The following CTNNA3 variants were observed in gnomAD, a reference collection of about 807,000 sequenced individuals.
The protein encoded by CTNNA3 is catenin alpha-3.
In CTNNA3, 76 loss-of-function variants were observed where a neutral mutation model predicts 95.7. The observed-to-expected ratio is 0.79, with a 90% CI of 0.66 to 0.96. The LOEUF (loss-of-function observed/expected upper bound fraction) is 0.96. CTNNA3 is among the 40% of genes least tolerant of loss of function. The pLI is 0.00. For missense variants in CTNNA3, 1,191 were observed against 1,089.8 expected, an observed-to-expected ratio of 1.09 and a Z score of -1.31; for synonymous variants, 431 against 374.4, an observed-to-expected ratio of 1.15 and a Z score of -1.74.
intron 12 of CTNNA3, among the ~76,000 whole-genome samples, chr10:66,287,124 C>T (rs148751329): frequency 7.9e-5 from 12 of 152,032 alleles, no homozygotes; most frequent in East Asian, 3.9e-4. Flanking sequence ...CTGAAATATA[C>T]GTTTATTAAA....
intron 5 of CTNNA3, among the ~76,000 whole-genome samples, chr10:67,508,471 AT>A (rs2133121888): frequency 6.6e-6 from 1 of 152,292 alleles, no homozygotes; most frequent in South Asian, 2.1e-4. Flanking sequence ...CAAAAAACAA[AT>A]TTATTTTTAT....
At chr10:67,662,381 A>G (rs777002365) in intron 1 of CTNNA3, among the ~76,000 whole-genome samples, 15 of 152,194 alleles carry the variant, frequency 9.9e-5, no homozygotes, top group Non-Finnish European at 2.2e-4. Flanking sequence ...TTTTTGAACC[A>G]TGGGTAGCTG....
chr10:66,769,238 G>A (rs866521533), intron 8 of CTNNA3, among the ~76,000 whole-genome samples: 43 of 152,118 alleles, frequency 2.8e-4, no homozygotes, highest in African/African-American at 5.8e-4. Flanking sequence ...TCATCTTTTC[G>A]TCCCATGACA....
intron 1 of CTNNA3, among the ~76,000 whole-genome samples, chr10:67,685,465 CGTCCT>C (rs1840713088): frequency 6.6e-6 from 1 of 152,222 alleles, no homozygotes; most frequent in South Asian, 2.1e-4. Flanking sequence ...AACCATCTAT[CGTCCT>C]GTCCTGAAGG....
intron 9 of CTNNA3, among the ~76,000 whole-genome samples, chr10:66,677,910 G>A (rs902997161): frequency 2.9e-5 from 3 of 102,158 alleles, no homozygotes; most frequent in African/African-American, 4.7e-5. Flanking sequence ...GTCAAACTTT[G>A]AGTAACAACT....
At chr10:66,218,895 G>A (rs1025547702) in intron 13 of CTNNA3, among the ~76,000 whole-genome samples, 1 of 152,158 alleles carries the variant, frequency 6.6e-6, no homozygotes, top group Non-Finnish European at 1.5e-5. Flanking sequence ...ACAGGACAGA[G>A]TCCTAATCAA....
At chr10:66,137,493 G>A (rs2133867798) in intron 13 of CTNNA3, among the ~76,000 whole-genome samples, 1 of 152,018 alleles carries the variant, frequency 6.6e-6, no homozygotes, top group South Asian at 2.1e-4. Flanking sequence ...GCAGGGGGCA[G>A]GGACAGAAAA....
intron 1 of CTNNA3, among the ~76,000 whole-genome samples, chr10:67,686,190 T>C (rs968562942): frequency 6.6e-6 from 1 of 152,130 alleles, no homozygotes; most frequent in African/African-American, 2.4e-5. Context: ...ACACATTTAT[T>C]CTTCTTCCCT....
chr10:66,377,977 T>C (rs1196029728), intron 12 of CTNNA3, among the ~76,000 whole-genome samples: 2 of 152,146 alleles, frequency 1.3e-5, no homozygotes, highest in Non-Finnish European at 2.9e-5. Flanking sequence ...TGCATTATTT[T>C]AGAAATATTT....
At chr10:66,105,199 C>G (rs1327272733) in intron 13 of CTNNA3, among the ~76,000 whole-genome samples, 1 of 152,148 alleles carries the variant, frequency 6.6e-6, no homozygotes, top group African/African-American at 2.4e-5. Context: ...CAGCTATTAT[C>G]TCAGGACAAT....
At chr10:66,639,692 A>G (rs1845451254) in intron 9 of CTNNA3, among the ~76,000 whole-genome samples, 1 of 152,158 alleles carries the variant, frequency 6.6e-6, no homozygotes, top group South Asian at 2.1e-4. Flanking sequence ...TTTATTTAGA[A>G]GTCACTATGC....
upstream of CTNNA3, among the ~76,000 whole-genome samples, chr10:67,700,952 C>G (rs1841034177): frequency 6.6e-6 from 1 of 152,118 alleles, no homozygotes; most frequent in African/African-American, 2.4e-5. Flanking sequence ...GAGCTGAAAG[C>G]CAAGGCTCGA....
chr10:67,291,913 T>C (rs1246884285), intron 5 of CTNNA3, among the ~76,000 whole-genome samples: 3 of 152,188 alleles, frequency 2.0e-5, no homozygotes, highest in African/African-American at 7.2e-5. Context: ...CATGAGAGCC[T>C]TCAGAATGAA....
At chr10:66,101,648 G>C (rs916394040) in intron 14 of CTNNA3, among the ~76,000 whole-genome samples, 5 of 152,046 alleles carry the variant, frequency 3.3e-5, no homozygotes, top group Non-Finnish European at 7.4e-5. Context: ...TTAATAAAAA[G>C]ATATAGTTAA....
At chr10:66,454,857 G>A (rs55692435) in intron 11 of CTNNA3, among the ~76,000 whole-genome samples, 17,275 of 150,172 alleles carry the variant, frequency 0.12, 1,464 homozygotes, top group African/African-American at 0.24. Context: ...GGGAAAAGGC[G>A]GAGGAGAGGA....
intron 17 of CTNNA3, among the ~76,000 whole-genome samples, chr10:65,923,626 G>C (rs2077122581): frequency 6.6e-6 from 1 of 152,156 alleles, no homozygotes; most frequent in Non-Finnish European, 1.5e-5. Flanking sequence ...AAATTGTCAA[G>C]CTTCTAATTA....
At chr10:66,008,465 C>T (rs913269530) in intron 15 of CTNNA3, among the ~76,000 whole-genome samples, 2 of 152,162 alleles carry the variant, frequency 1.3e-5, no homozygotes, top group Non-Finnish European at 2.9e-5. Flanking sequence ...ATCCGAAAGG[C>T]GTCCCTCTTC....
chr10:66,572,062 G>T (rs1842882620), intron 10 of CTNNA3, among the ~76,000 whole-genome samples: 2 of 151,970 alleles, frequency 1.3e-5, no homozygotes, highest in Admixed American at 6.6e-5. Context: ...ATGCTACACA[G>T]TCTCCCATGA....
intron 12 of CTNNA3, among the ~76,000 whole-genome samples, chr10:66,373,985 G>C (rs7085472): frequency 2.4e-3 from 360 of 152,270 alleles, no homozygotes; most frequent in African/African-American, 8.3e-3. Flanking sequence ...ACAGCCCACT[G>C]TTTCCAGGGG....
Sources: gnomAD v4.1 joint callset for allele counts (sites outside exome capture counted in the v4.1 genomes callset) on GRCh38, gnomAD v4.1.1 for gene constraint, MANE v1.5 for transcripts, NCBI Gene and HGNC (gene_info 2026-07-23, HGNC 2026-07-21) for gene names.